The following CSGALNACT1 variants were observed in gnomAD, a reference collection of about 807,000 sequenced individuals.
CSGALNACT1 encodes chondroitin sulfate N-acetylgalactosaminyltransferase 1.
CSGALNACT1 carries 52 observed loss-of-function variants against 51.0 expected under a neutral mutation model. The ratio of observed to expected loss-of-function variants is 1.02; its 90% CI spans 0.82 to 1.29. The LOEUF (loss-of-function observed/expected upper bound fraction) is 1.29, where lower values mean the gene tolerates loss of function less well. Among genes scored for constraint, CSGALNACT1 ranks in the 50% most tolerant of loss-of-function variants. CSGALNACT1 has a pLI of 0.00. For missense variants in CSGALNACT1, 935 were observed against 679.2 expected (o/e 1.38, Z -4.19); for synonymous variants, 341 against 254.4 (o/e 1.34, Z -3.24).
At chr8:19,485,056 G>T (rs140078940) in intron 4 of CSGALNACT1, among the ~76,000 whole-genome samples, 1 of 152,246 alleles carries the variant, frequency 6.6e-6, no homozygotes, top group Non-Finnish European at 1.5e-5. Flanking sequence ...CTTGTCTCAG[G>T]CTTTCAGATT....
intron 4 of CSGALNACT1, among the ~76,000 whole-genome samples, chr8:19,476,485 A>T (rs1244952578): frequency 6.6e-6 from 1 of 152,060 alleles, no homozygotes; most frequent in Admixed American, 6.5e-5. Context: ...CAGGTGATCC[A>T]CCCACCTCAC....
chr8:19,430,936 T>C (rs971640207), intron 6 of CSGALNACT1, among the ~76,000 whole-genome samples: 3 of 152,156 alleles, frequency 2.0e-5, no homozygotes, highest in South Asian at 2.1e-4. Flanking sequence ...TAAACCTTTT[T>C]TATATTACTA....
intron 1 of CSGALNACT1, among the ~76,000 whole-genome samples, chr8:19,650,659 A>C (rs1025759962): frequency 1.3e-5 from 2 of 152,168 alleles, no homozygotes; most frequent in Non-Finnish European, 2.9e-5. Flanking sequence ...CGCTCCCAGG[A>C]GACCAGCCAT....
At chr8:19,603,640 T>G (rs533389288), upstream of CSGALNACT1, among the ~76,000 whole-genome samples, 1 of 152,356 alleles carries the variant, frequency 6.6e-6, no homozygotes, top group East Asian at 1.9e-4. Context: ...AGCTTATAAT[T>G]TGGCTTCCAA....
At chr8:19,593,739 C>G (rs1379083715) in intron 2 of CSGALNACT1, among the ~76,000 whole-genome samples, 2 of 152,202 alleles carry the variant, frequency 1.3e-5, no homozygotes, top group African/African-American at 2.4e-5. Context: ...CAGCTCCTCT[C>G]ATTCTGCCCA....
At chr8:19,651,613 C>T (rs568829721) in intron 1 of CSGALNACT1, among the ~76,000 whole-genome samples, 2 of 149,534 alleles carry the variant, frequency 1.3e-5, no homozygotes, top group Admixed American at 1.3e-4. Flanking sequence ...TTTATGGATG[C>T]ACTGTATTCC....
At chr8:19,568,005 A>G (rs1364335416) in intron 3 of CSGALNACT1, among the ~76,000 whole-genome samples, 1 of 151,944 alleles carries the variant, frequency 6.6e-6, no homozygotes, top group East Asian at 1.9e-4. Flanking sequence ...TCAGGTATGT[A>G]TATATGTTTT....
intron 1 of CSGALNACT1, among the ~76,000 whole-genome samples, chr8:19,664,031 C>T (rs182214449): frequency 1.4e-3 from 209 of 152,328 alleles, no homozygotes; most frequent in African/African-American, 4.6e-3. Flanking sequence ...GGTGAAAGCG[C>T]GGGCCAGGGG....
chr8:19,602,619 G>C (rs2050697498), upstream of CSGALNACT1: 5 of 152,228 alleles, frequency 3.3e-5, no homozygotes, highest in Admixed American at 3.3e-4. Context: ...CCCGCTCCCT[G>C]GGGGGCGTGA....
intron 6 of CSGALNACT1, among the ~76,000 whole-genome samples, chr8:19,429,748 C>G (rs1431196312): frequency 6.6e-6 from 1 of 152,204 alleles, no homozygotes; most frequent in African/African-American, 2.4e-5. Context: ...TACCTGGGAT[C>G]AGAACTGCTG....
chr8:19,728,850 C>T (rs2154244204), intron 1 of CSGALNACT1, among the ~76,000 whole-genome samples: 1 of 152,182 alleles, frequency 6.6e-6, no homozygotes, highest in South Asian at 2.1e-4. Flanking sequence ...AGGCGTAACT[C>T]ACCCACCTTT....
At chr8:19,750,266 T>G (rs1037126978) in intron 1 of CSGALNACT1, among the ~76,000 whole-genome samples, 1 of 152,176 alleles carries the variant, frequency 6.6e-6, no homozygotes, top group African/African-American at 2.4e-5. Flanking sequence ...CCAGCTTAGG[T>G]AACAACAAAG....
At chr8:19,418,708 G>A in exon 8 of CSGALNACT1, 1 of 1,613,680 alleles carries the variant, frequency 6.2e-7, no homozygotes, top group Non-Finnish European at 8.5e-7. Context: ...TATTATGCCA[G>A]GATTGTACTG....
intron 5 of CSGALNACT1, among the ~76,000 whole-genome samples, chr8:19,440,966 C>A (rs1030110790): frequency 6.6e-6 from 1 of 152,130 alleles, no homozygotes; most frequent in African/African-American, 2.4e-5. Context: ...CTCCCAGTCA[C>A]AATTGCTTCA....
Position 19,756,729 on chromosome 8 carries a change from C to G in CSGALNACT1, c.-297+1121G>C, listed in dbSNP as rs902588217. Among the ~76,000 whole-genome samples the G allele has an allele frequency of 5.3e-5, 8 of 152,186 alleles. 1 individual carries two copies. The highest frequency in any genetic ancestry group is 4.1e-4 in the South Asian group (2 of 4,832). ...CGCTGCCCACCGGCCACCCTCGTCA[C>G]GCCCCCTCCACCCTCTCCATCCCAG... is the stretch of plus-strand genomic sequence containing the variant. On this transcript the variant is annotated intron_variant, in intron 1 of 1. Transcript: ENST00000517494.
chr8:19,518,504 A>G (rs10099716), intron 3 of CSGALNACT1, among the ~76,000 whole-genome samples: 19,171 of 152,116 alleles, frequency 0.13, 3,467 homozygotes, highest in African/African-American at 0.4. Context: ...GATCAAACCA[A>G]TCTGTGAGCC....
rs144004160 is a variant in CSGALNACT1 at position 19,620,518 on chromosome 8, C to T, written c.-543-18653G>A. 5.8e-3 allele frequency among the ~76,000 whole-genome samples: 874 copies of T among 151,712 alleles called. 6 individuals carry two copies. Among genetic ancestry groups the T allele is most frequent in the Non-Finnish European group, 7.8e-3 (529 of 67,934 alleles). ...CACGATCATAGGTCACTGCTGTCTC[C>T]ACCTCCCATGCTCAAGCGATCCTCC... On this transcript the variant is annotated intron_variant, in intron 1 of 9. Coordinates refer to the CSGALNACT1 transcript ENST00000332246.
intron 3 of CSGALNACT1, among the ~76,000 whole-genome samples, chr8:19,537,151 G>A (rs893957769): frequency 1.3e-5 from 2 of 152,138 alleles, no homozygotes; most frequent in African/African-American, 2.4e-5. Context: ...TGAGTAAGCA[G>A]AAACTAGCTC....
chr8:19,607,258 G>A (rs1460431561), upstream of CSGALNACT1, among the ~76,000 whole-genome samples: 2 of 151,924 alleles, frequency 1.3e-5, no homozygotes, highest in Admixed American at 6.6e-5. Flanking sequence ...TAACATAATC[G>A]ACAATGAAGT....
Sources: gnomAD v4.1 joint callset for allele counts (sites outside exome capture counted in the v4.1 genomes callset) on GRCh38, gnomAD v4.1.1 for gene constraint, MANE v1.5 for transcripts, NCBI Gene and HGNC (gene_info 2026-07-23, HGNC 2026-07-21) for gene names.